Variants in RRP15 observed in about 807,000 individuals in gnomAD.
The protein encoded by RRP15 is ribosomal RNA processing 15 homolog.
In RRP15, 18 loss-of-function variants were observed where a neutral mutation model predicts 27.1. That is an observed-to-expected ratio of 0.66 (90% CI 0.46 to 0.98). The LOEUF (loss-of-function observed/expected upper bound fraction) is 0.98. Among genes scored for constraint, RRP15 ranks in the 50% least tolerant of loss-of-function variants. The pLI is 0.00. For synonymous variants in RRP15, 107 were observed against 109.4 expected, an observed-to-expected ratio of 0.98 and a Z score of 0.14; for missense variants, 359 against 337.8, an observed-to-expected ratio of 1.06 and a Z score of -0.49.
chr1:218,300,300 A>G (rs1224029568), intron 1 of RRP15, among the ~76,000 whole-genome samples: 1 of 151,990 alleles, frequency 6.6e-6, no homozygotes, highest in Admixed American at 6.6e-5. Context: ...TGTAATGTTC[A>G]GTTAGTTTTT....
chr1:218,293,980 A>G, intron 1 of RRP15, among the ~76,000 whole-genome samples: 1 of 152,172 alleles, frequency 6.6e-6, no homozygotes, highest in Non-Finnish European at 1.5e-5. Flanking sequence ...GCAGTTATAT[A>G]TATCAACTTG....
rs994893650 is a variant in RRP15 at position 218,293,581 on chromosome 1, C to T, written c.139+8126C>T. On this transcript the variant is annotated intron_variant, in intron 1 of 4. Coordinates refer to ENST00000366932, the MANE Select transcript of RRP15 (RefSeq NM_016052.4). The stretch of plus-strand genomic sequence containing the variant: ...ATTATAAAAATTGATAGGGATGTGC[C>T]CTATATCGACATTTGAAAAACTTCC... 2.0e-5 allele frequency among the ~76,000 whole-genome samples: 3 copies of T among 151,986 alleles called. No homozygotes were observed. The East Asian group carries it at 5.8e-4, about 29-fold the overall frequency.
Position 218,302,514 on chromosome 1 carries a change from G to C in RRP15, c.360G>C (p.Lys120Asn). 1 of 1,612,874 alleles carries C rather than the reference G, an allele frequency of 6.2e-7. No individual in the cohort carries two copies. Among genetic ancestry groups the C allele is most frequent in the Non-Finnish European group, 8.5e-7 (1 of 1,179,680 alleles). ...TILVKNKKLEKEKEKLKQERL... is the reference protein window; with the variant it reads ...TILVKNKKLENEKEKLKQERL... ...TGGTCAAAAATAAGAAGCTGGAAAAGGAAAAAGAAAAGTTAAAGCAAGAAA... is the reference window on the plus strand; with the variant it reads ...TGGTCAAAAATAAGAAGCTGGAAAACGAAAAAGAAAAGTTAAAGCAAGAAA... The change falls in exon 2 of 5, where the codon AAG becomes AAC. Residue 120 changes from lysine (K) to asparagine (N), a missense_variant. Coordinates refer to ENST00000366932, the MANE Select transcript of RRP15 (RefSeq NM_016052.4).
intron 1 of RRP15, among the ~76,000 whole-genome samples, chr1:218,298,414 G>A (rs1160554839): frequency 6.6e-6 from 1 of 152,102 alleles, no homozygotes. Flanking sequence ...GTTCTTCAAG[G>A]AGAGAAACCT....
At chr1:218,305,183 CTATT>C in intron 3 of RRP15, 58 bp downstream of exon 3, 1 of 1,303,030 alleles carries the variant, frequency 7.7e-7, no homozygotes, top group Admixed American at 1.8e-5. Context: ...CATAGTGGTT[CTATT>C]TTTGACCCAA....
chr1:218,315,615 T>A (rs369991100), intron 4 of RRP15, among the ~76,000 whole-genome samples: 19 of 151,644 alleles, frequency 1.3e-4, no homozygotes, highest in South Asian at 1.0e-3. Context: ...TATTTTATTT[T>A]TTTTTTTTTG....
intron 4 of RRP15, among the ~76,000 whole-genome samples, chr1:218,321,085 A>G (rs983659013): frequency 4.6e-5 from 7 of 152,198 alleles, no homozygotes; most frequent in African/African-American, 1.7e-4. Context: ...TGTAATTCCA[A>G]ACCTTCTTTT....
At chr1:218,318,556 C>G (rs1349584197) in intron 4 of RRP15, among the ~76,000 whole-genome samples, 1 of 152,064 alleles carries the variant, frequency 6.6e-6, no homozygotes, top group Non-Finnish European at 1.5e-5. Context: ...ATGCCTTTTT[C>G]CTGTAAGCTA....
In RRP15 at chr1:218,331,923, C is replaced by A. The variant is rs1252842118; in HGVS notation, c.*832C>A. 1 of 151,880 alleles carries A rather than the reference C, an allele frequency of 6.6e-6. No homozygotes were observed. Among genetic ancestry groups the A allele is most frequent in the Non-Finnish European group, 1.5e-5 (1 of 67,954 alleles). The allele number at this position is 151,880 out of a possible 1,614,324, so 9.4% of individuals were successfully genotyped here. On this transcript the variant is annotated 3_prime_UTR_variant, in exon 5 of 5. Coordinates refer to ENST00000366932, the MANE Select transcript of RRP15 (RefSeq NM_016052.4). ...TCAATCTCCTGACCTCGTGATCCAC[C>A]CGCCTCGGCCTCCCAAAGTGCTGGG...
intron 1 of RRP15, among the ~76,000 whole-genome samples, chr1:218,299,036 A>T (rs1240632886): frequency 6.6e-6 from 1 of 152,188 alleles, no homozygotes; most frequent in East Asian, 1.9e-4. Flanking sequence ...TAAATCAGTG[A>T]GTGGAAAATT....
intron 1 of RRP15, 122 bp from the exon 2 acceptor site, chr1:218,302,172 C>T (rs912247013): frequency 4.2e-6 from 3 of 706,562 alleles, no homozygotes; most frequent in Non-Finnish European, 2.5e-6. Flanking sequence ...CTGTGGGACT[C>T]AGAAAAGTAC....
chr1:218,317,502 A>G (rs1656108390), intron 4 of RRP15, among the ~76,000 whole-genome samples: 2 of 152,212 alleles, frequency 1.3e-5, no homozygotes, highest in African/African-American at 2.4e-5. Context: ...TTAAAATCTG[A>G]TTTCTCAAAA....
rs1169387119 is a variant in RRP15 at position 218,333,467 on chromosome 1, T to C, written c.*2376T>C. ...ATATCAATCAGATAAATAATCCGAG[T>C]GTATTTCATCTTTCTACATTGTCTT... On this transcript the variant is annotated 3_prime_UTR_variant, in exon 5 of 5. Coordinates refer to ENST00000366932, the MANE Select transcript of RRP15 (RefSeq NM_016052.4). 6.6e-6 allele frequency: 1 copy of C among 152,056 alleles called. No individual in the cohort carries two copies. Among genetic ancestry groups the C allele is most frequent in the Non-Finnish European group, 1.5e-5 (1 of 68,016 alleles). The allele number at this position is 152,056 out of a possible 1,614,324, so 9.4% of individuals were successfully genotyped here. A position where few individuals can be genotyped will look rare whatever the true frequency, so the allele number is the denominator to read the frequency against.
At chr1:218,322,492 G>A (rs928177081) in intron 4 of RRP15, among the ~76,000 whole-genome samples, 1 of 151,098 alleles carries the variant, frequency 6.6e-6, no homozygotes, top group South Asian at 2.1e-4. Context: ...CTTAGGATTT[G>A]TGGAAATGGT....
chr1:218,317,286 A>G (rs1388497543), intron 4 of RRP15, among the ~76,000 whole-genome samples: 1 of 152,242 alleles, frequency 6.6e-6, no homozygotes. Context: ...ATGCTGTGGC[A>G]GATGTTTTTA....
At chr1:218,305,514 CTTAT>C (rs1462407091) in intron 3 of RRP15, among the ~76,000 whole-genome samples, 1 of 152,126 alleles carries the variant, frequency 6.6e-6, no homozygotes, top group African/African-American at 2.4e-5. Flanking sequence ...TTTTACTCTG[CTTAT>C]TTATTCATTG....
chr1:218,321,176 CA>C (rs1279897795), intron 4 of RRP15, among the ~76,000 whole-genome samples: 2 of 152,196 alleles, frequency 1.3e-5, no homozygotes, highest in Non-Finnish European at 2.9e-5. Context: ...TCTTCACCTT[CA>C]AAATGGACAC....
At chr1:218,296,210 C>A (rs1655716901) in intron 1 of RRP15, among the ~76,000 whole-genome samples, 1 of 152,068 alleles carries the variant, frequency 6.6e-6, no homozygotes, top group African/African-American at 2.4e-5. Flanking sequence ...CACATTAGTC[C>A]AAATTGAATC....
intron 4 of RRP15, among the ~76,000 whole-genome samples, chr1:218,328,907 A>C (rs1214411226): frequency 6.6e-6 from 1 of 152,130 alleles, no homozygotes; most frequent in Non-Finnish European, 1.5e-5. Flanking sequence ...GAGGCTTCAC[A>C]CTGAGATTGT....
Sources: gnomAD v4.1 joint callset for allele counts (sites outside exome capture counted in the v4.1 genomes callset) on GRCh38, gnomAD v4.1.1 for gene constraint, MANE v1.5 for transcripts, NCBI Gene and HGNC (gene_info 2026-07-23, HGNC 2026-07-21) for gene names.